FKBP9: variants seen among roughly 807,000 people sequenced by gnomAD.
FKBP9 encodes peptidyl-prolyl cis-trans isomerase FKBP9.
FKBP9 carries 27 observed loss-of-function variants against 55.6 expected under a neutral mutation model. That is an observed-to-expected ratio of 0.49 (90% CI 0.36 to 0.67). The LOEUF (loss-of-function observed/expected upper bound fraction) is 0.67, where lower values mean the gene tolerates loss of function less well. FKBP9 is among the 30% of genes least tolerant of loss of function. FKBP9 has a pLI of 0.00. For synonymous variants in FKBP9, 267 were observed against 296.5 expected, an observed-to-expected ratio of 0.90 and a Z score of 1.02; for missense variants, 539 against 742.8, an observed-to-expected ratio of 0.73 and a Z score of 3.19.
chr7:32,982,982 T>TCATGTGTGTG (rs1784508338), intron 5 of FKBP9, among the ~76,000 whole-genome samples: 3 of 77,836 alleles, frequency 3.9e-5, no homozygotes, highest in Non-Finnish European at 9.8e-5. Context: ...GGGTCAAAGG[T>TCATGTGTGTG]TATGTGTGTG....
At chr7:32,959,848 C>T (rs1364734392) in intron 1 of FKBP9, among the ~76,000 whole-genome samples, 2 of 152,088 alleles carry the variant, frequency 1.3e-5, no homozygotes, top group Non-Finnish European at 2.9e-5. Flanking sequence ...AGTTGATGGA[C>T]ATTTGGATTG....
intron 7 of FKBP9, among the ~76,000 whole-genome samples, chr7:32,997,908 G>A (rs1784849822): frequency 6.6e-6 from 1 of 152,186 alleles, no homozygotes; most frequent in Non-Finnish European, 1.5e-5. Context: ...GTATGCTAAT[G>A]CATTTAATGT....
chr7:32,984,525 T>C (rs1160083094), intron 5 of FKBP9, among the ~76,000 whole-genome samples: 2 of 152,238 alleles, frequency 1.3e-5, no homozygotes, highest in African/African-American at 4.8e-5. Context: ...CTCAAAGTGC[T>C]GGGATTACAG....
At chr7:32,974,314 G>C (rs4720090) in intron 1 of FKBP9, among the ~76,000 whole-genome samples, 3 of 151,364 alleles carry the variant, frequency 2.0e-5, no homozygotes, top group Admixed American at 6.6e-5. Context: ...TTTCTTTTTT[G>C]TGTGTGTGAA....
At chr7:32,970,537 T>C (rs1784232008) in intron 1 of FKBP9, among the ~76,000 whole-genome samples, 1 of 151,932 alleles carries the variant, frequency 6.6e-6, no homozygotes, top group African/African-American at 2.4e-5. Context: ...GTTTCCATTG[T>C]AGTCTTTTGC....
intron 6 of FKBP9, among the ~76,000 whole-genome samples, chr7:32,995,890 T>C (rs1276419173): frequency 2.6e-5 from 4 of 152,160 alleles, no homozygotes; most frequent in Non-Finnish European, 5.9e-5. Context: ...GGGGCAATAG[T>C]CCATAGTCTT....
At chr7:32,998,690 A>G (rs943964388) in intron 7 of FKBP9, 1 of 152,104 alleles carries the variant, frequency 6.6e-6, no homozygotes, top group Non-Finnish European at 1.5e-5. Context: ...GGCCCCATTC[A>G]TCAGGACTAA....
At chr7:32,968,059 CAG>C (rs1032624170) in intron 1 of FKBP9, among the ~76,000 whole-genome samples, 5 of 152,072 alleles carry the variant, frequency 3.3e-5, no homozygotes, top group African/African-American at 7.2e-5. Context: ...CCAGCTTAGA[CAG>C]AGTCTTTTGT....
At chr7:32,998,160 T>C (rs994220365) in intron 7 of FKBP9, among the ~76,000 whole-genome samples, 2 of 152,208 alleles carry the variant, frequency 1.3e-5, no homozygotes, top group African/African-American at 2.4e-5. Flanking sequence ...TATTAGAAGC[T>C]AGCGGGAGGC....
At chr7:32,983,321 G>A (rs2092162334) in intron 5 of FKBP9, among the ~76,000 whole-genome samples, 1 of 151,312 alleles carries the variant, frequency 6.6e-6, no homozygotes, top group African/African-American at 2.4e-5. Flanking sequence ...ACTGCGCCCT[G>A]CCTTTTTTTT....
At chr7:32,975,638 G>T (rs1164640522) in intron 3 of FKBP9, among the ~76,000 whole-genome samples, 1 of 134,958 alleles carries the variant, frequency 7.4e-6, no homozygotes, top group Non-Finnish European at 1.6e-5. Context: ...TTAAGTGAAA[G>T]GTTCTATTTC....
At chr7:32,995,757 G>A (rs1449599231) in intron 6 of FKBP9, among the ~76,000 whole-genome samples, 1 of 152,090 alleles carries the variant, frequency 6.6e-6, no homozygotes, top group African/African-American at 2.4e-5. Flanking sequence ...TCACTCTACG[G>A]CTGATTTTCT....
intron 1 of FKBP9, among the ~76,000 whole-genome samples, chr7:32,965,116 T>G (rs2127976681): frequency 6.6e-6 from 1 of 152,294 alleles, no homozygotes; most frequent in Non-Finnish European, 1.5e-5. Flanking sequence ...CTGTTATGGG[T>G]TCTCAAAATA....
At chr7:32,977,144 G>C (rs1257036216) in intron 4 of FKBP9, among the ~76,000 whole-genome samples, 7 of 152,204 alleles carry the variant, frequency 4.6e-5, no homozygotes, top group Non-Finnish European at 1.0e-4. Flanking sequence ...TAGTTTTACT[G>C]TGAAGGAAAA....
intron 1 of FKBP9, among the ~76,000 whole-genome samples, chr7:32,958,550 C>CT (rs1783951758): frequency 6.6e-6 from 1 of 152,226 alleles, no homozygotes; most frequent in Non-Finnish European, 1.5e-5. Flanking sequence ...AGTCCCAGCA[C>CT]TTTGAGAGAA....
rs571807368 is a variant in FKBP9, at chr7:32,963,694, T to C, written c.221+5900T>C. The C allele has an allele frequency of 1.3e-4, 183 of 1,379,944 alleles. 3 individuals carry two copies. The East Asian group carries it at 5.2e-3, about 39-fold the overall frequency. The allele number at this position is 1,379,944 out of a possible 1,614,324, so 85.5% of individuals were successfully genotyped here. ...AATTCCTTGTGAGGGTCCAGAATCATGGACTGAGGTGACTTTCTGCCTCTC... is the reference window on the plus strand; with the variant it reads ...AATTCCTTGTGAGGGTCCAGAATCACGGACTGAGGTGACTTTCTGCCTCTC... On this transcript the variant is annotated intron_variant, in intron 1 of 9. Coordinates refer to ENST00000242209, the MANE Select transcript of FKBP9 (RefSeq NM_007270.5).
intron 9 of FKBP9, among the ~76,000 whole-genome samples, chr7:33,004,230 A>T (rs1458381217): frequency 6.6e-6 from 1 of 151,964 alleles, no homozygotes; most frequent in East Asian, 1.9e-4. Flanking sequence ...GGTCACACAC[A>T]GCAGTGGTGT....
At chr7:32,993,191 GA>G (rs1324731313) in intron 6 of FKBP9, 2 of 232,276 alleles carry the variant, frequency 8.6e-6, no homozygotes, top group African/African-American at 4.4e-5. Context: ...CTCAGTGTTA[GA>G]AGTTTTTAAA....
chr7:32,987,692 G>A (rs916275352), intron 5 of FKBP9, among the ~76,000 whole-genome samples: 1 of 152,110 alleles, frequency 6.6e-6, no homozygotes, highest in African/African-American at 2.4e-5. Flanking sequence ...GGAGTGCAGT[G>A]TTGTGATCTT....
Sources: allele counts gnomAD v4.1 joint callset (sites outside exome capture counted in the v4.1 genomes callset), GRCh38; gene constraint gnomAD v4.1.1; transcripts MANE v1.5; gene names NCBI Gene and HGNC (gene_info 2026-07-23, HGNC 2026-07-21).